The following DCTN2 variants were observed in gnomAD, a reference collection of about 807,000 sequenced individuals.
DCTN2 encodes dynactin subunit 2.
Under a neutral mutation model 55.4 loss-of-function variants are expected in DCTN2, and 18 were observed. The observed-to-expected ratio is 0.32, with a 90% CI of 0.22 to 0.48. The LOEUF (loss-of-function observed/expected upper bound fraction) is 0.48, where lower values mean the gene tolerates loss of function less well. DCTN2 is among the 20% of genes least tolerant of loss of function. The pLI, the probability that DCTN2 is intolerant of heterozygous loss-of-function variation, is 0.99. For missense variants in DCTN2, 390 were observed against 491.0 expected, an observed-to-expected ratio of 0.79 and a Z score of 1.94; for synonymous variants, 168 against 185.2, an observed-to-expected ratio of 0.91 and a Z score of 0.76.
At chr12:57,534,572 C>T (rs1880062995) in intron 5 of DCTN2, 120 bp from the exon 6 acceptor site, 1 of 999,024 alleles carries the variant, frequency 1.0e-6, no homozygotes, top group Non-Finnish European at 1.5e-6. Context: ...TTCAGCATGA[C>T]AGACTGCCCA....
In DCTN2 at chr12:57,541,339, G is replaced by C. The variant is rs768738842; in HGVS notation, c.105+4689C>G. The C allele has an allele frequency of 3.8e-6, 6 of 1,598,504 alleles. No individual in the cohort carries two copies. The Admixed American group carries it at 1.0e-4, about 27-fold the overall frequency. ...AGATGGCAGATGAAAAAAACATGCAGAGAAGAAGCATTGAATGGTCTTACT... is the reference window on the plus strand; with the variant it reads ...AGATGGCAGATGAAAAAAACATGCACAGAAGAAGCATTGAATGGTCTTACT... On this transcript the variant is annotated intron_variant, in intron 2 of 13. Transcript: ENST00000548249.
intron 2 of DCTN2, among the ~76,000 whole-genome samples, chr12:57,539,609 G>A (rs1039836538): frequency 5.9e-5 from 9 of 152,150 alleles, no homozygotes; most frequent in Admixed American, 5.2e-4. Flanking sequence ...GTTGAGGATG[G>A]TTGTATGCAT....
chr12:57,533,348 G>A, intron 7 of DCTN2, 45 bp from the exon 8 acceptor site: 1 of 1,558,678 alleles, frequency 6.4e-7, no homozygotes, highest in Non-Finnish European at 8.9e-7. Flanking sequence ...CTTCCCTGCT[G>A]CTGCAATGGG....
Position 57,530,678 on chromosome 12 carries a change from C to T in DCTN2, c.*11G>A. The T allele has an allele frequency of 3.1e-6, 5 of 1,612,198 alleles. No individual in the cohort carries two copies. Among genetic ancestry groups the T allele is most frequent in the Middle Eastern group, 1.7e-4 (1 of 5,858 alleles). On this transcript the variant is annotated 3_prime_UTR_variant, in exon 14 of 14. Coordinates refer to ENST00000548249, the MANE Select transcript of DCTN2 (RefSeq NM_001261413.2). ...TAGGGATAACCCCTGTTCTCCAGCT[C>T]CCAAATGTGCTCACTTTCCCAGCTT...
Position 57,534,460 on chromosome 12 carries a change from G to GA in DCTN2, c.364-9dup, listed in dbSNP as rs760428296. 1.2e-4 allele frequency: 184 copies of GA among 1,569,090 alleles called. 1 individual carries two copies. The Middle Eastern group carries it at 1.7e-3, about 14-fold the overall frequency. On this transcript the variant is annotated splice_polypyrimidine_tract_variant and intron_variant, in intron 5 of 13. Coordinates refer to ENST00000548249, the MANE Select transcript of DCTN2 (RefSeq NM_001261413.2). ...TGACTCCTTCACTGTCGTCTAGTAT[G>GA]AAAAAAGGTAGAAATCGGGGGATGG...
intron 2 of DCTN2, chr12:57,538,653 T>C (rs1880446706): frequency 3.0e-6 from 2 of 669,944 alleles, no homozygotes; most frequent in African/African-American, 3.6e-5. Context: ...TACATGACAG[T>C]CTTCCAACAC....
intron 13 of DCTN2, 113 bp from the exon 14 acceptor site, chr12:57,530,888 G>T: frequency 1.1e-6 from 1 of 923,288 alleles, no homozygotes; most frequent in Non-Finnish European, 1.7e-6. Context: ...CAATTTGTGG[G>T]CCACAGAGGG....
At chr12:57,539,435 G>A (rs928442392) in intron 2 of DCTN2, among the ~76,000 whole-genome samples, 2 of 152,184 alleles carry the variant, frequency 1.3e-5, no homozygotes, top group East Asian at 1.9e-4. Flanking sequence ...AGGGGTTGGA[G>A]GGTAAACAAA....
chr12:57,530,881 T>A (rs1879625630), intron 13 of DCTN2, 106 bp from the exon 14 acceptor site: 6 of 996,690 alleles, frequency 6.0e-6, no homozygotes, highest in Non-Finnish European at 9.4e-6. Context: ...GGAAGCACAA[T>A]TTGTGGGCCA....
intron 2 of DCTN2, chr12:57,538,587 G>T: frequency 1.4e-6 from 1 of 729,794 alleles, no homozygotes; most frequent in Non-Finnish European, 2.5e-6. Flanking sequence ...TGGGGGAATG[G>T]GGATGAGGGA....
intron 2 of DCTN2, among the ~76,000 whole-genome samples, chr12:57,538,074 T>C (rs1341376594): frequency 1.3e-5 from 2 of 152,216 alleles, no homozygotes; most frequent in Non-Finnish European, 2.9e-5. Context: ...AAGCCCTTAT[T>C]ATGGGCGGGC....
In DCTN2 at chr12:57,532,110, CAAAAG is replaced by C; in HGVS notation, c.1028-9_1028-5del. The C allele has an allele frequency of 6.4e-7, 1 of 1,556,818 alleles. No homozygotes were observed. The highest frequency in any genetic ancestry group is 8.7e-7 in the Non-Finnish European group (1 of 1,149,652). On this transcript the variant is annotated splice_region_variant and splice_polypyrimidine_tract_variant and intron_variant, in intron 12 of 13. Transcript: ENST00000548249. ...AGGAGCTGACCAAACTGCATGGCTA[CAAAAG>C]AAAAGTATGGTTGAGACTTGAATCC...
intron 2 of DCTN2, among the ~76,000 whole-genome samples, chr12:57,542,296 G>A (rs1279165819): frequency 5.3e-5 from 8 of 151,568 alleles, no homozygotes; most frequent in Non-Finnish European, 2.9e-5. Flanking sequence ...AAAAATTCAC[G>A]ATCATCTGTA....
intron 4 of DCTN2, 37 bp from the exon 5 acceptor site, chr12:57,535,191 C>T (rs1880129097): frequency 6.5e-7 from 1 of 1,529,418 alleles, no homozygotes. Flanking sequence ...TTATATGTCT[C>T]ATTACAGGGA....
chr12:57,531,629 G>A (rs1879723680), intron 13 of DCTN2, among the ~76,000 whole-genome samples: 1 of 152,196 alleles, frequency 6.6e-6, no homozygotes, highest in Non-Finnish European at 1.5e-5. Flanking sequence ...GCGACAGAAC[G>A]AGATTAGGGC....
Position 57,547,083 on chromosome 12 carries a change from G to T in DCTN2, c.-20C>A. 7.9e-7 allele frequency: 1 copy of T among 1,264,864 alleles called. No individual in the cohort carries two copies. Among genetic ancestry groups the T allele is most frequent in the East Asian group, 3.1e-5 (1 of 32,610 alleles). 78.4% of individuals were successfully genotyped at this position (1,264,864 alleles called of 1,614,324 possible). On this transcript the variant is annotated 5_prime_UTR_variant, in exon 1 of 14. Coordinates refer to ENST00000548249, the MANE Select transcript of DCTN2 (RefSeq NM_001261413.2). ...CGCCATGGCGGCGGCGAGACGGGCT[G>T]GGGGACCCGGGCCTCGGTGGAGCCG...
intron 13 of DCTN2, among the ~76,000 whole-genome samples, chr12:57,531,424 T>G (rs895658359): frequency 1.3e-5 from 2 of 151,942 alleles, no homozygotes; most frequent in Admixed American, 6.6e-5. Flanking sequence ...GGCTGAGGCA[T>G]GAGAATTGCT....
intron 13 of DCTN2, 44 bp from the exon 14 acceptor site, chr12:57,530,819 G>T: frequency 1.4e-6 from 2 of 1,470,914 alleles, no homozygotes; most frequent in Non-Finnish European, 1.9e-6. Context: ...AGGTCCAGTT[G>T]CTTAACTGGA....
Position 57,534,299 on chromosome 12 carries a change from G to A in DCTN2, c.517C>T (p.Leu173=), listed in dbSNP as rs751153201. Residue 173 remains leucine, a synonymous_variant, in exon 6 of 14, where the codon CTG becomes TTG. Transcript: ENST00000548249. ...ACAAAGTAGGGTACCCACTTAGCCAGGGCGCCATCGGGGTCGGTAAGGTTG... is the reference window on the plus strand; with the variant it reads ...ACAAAGTAGGGTACCCACTTAGCCAAGGCGCCATCGGGGTCGGTAAGGTTG... ...AINLTDPDGA[L]AKRLLLQLEA... 2 of 1,591,144 alleles carry A rather than the reference G, an allele frequency of 1.3e-6. No homozygotes were observed. Among genetic ancestry groups the A allele is most frequent in the South Asian group, 1.1e-5 (1 of 89,396 alleles).
Sources: gnomAD v4.1 joint callset for allele counts (sites outside exome capture counted in the v4.1 genomes callset) on GRCh38, gnomAD v4.1.1 for gene constraint, MANE v1.5 for transcripts, NCBI Gene and HGNC (gene_info 2026-07-23, HGNC 2026-07-21) for gene names.